The following PCDH15 variants were observed in gnomAD, a reference collection of about 807,000 sequenced individuals.
PCDH15 encodes the protein protocadherin-15.
PCDH15 carries 129 observed loss-of-function variants against 178.5 expected under a neutral mutation model. That is an observed-to-expected ratio of 0.72 (90% CI 0.63 to 0.84). PCDH15 has a LOEUF of 0.84. Among genes scored for constraint, PCDH15 ranks in the 40% least tolerant of loss-of-function variants. The pLI is 0.00. For synonymous variants in PCDH15, 800 were observed against 732.0 expected, an observed-to-expected ratio of 1.09 and a Z score of -1.50; for missense variants, 2,230 against 2,099.9, an observed-to-expected ratio of 1.06 and a Z score of -1.21.
At chr10:54,283,241 T>C (rs988103461) in intron 8 of PCDH15, among the ~76,000 whole-genome samples, 2 of 152,152 alleles carry the variant, frequency 1.3e-5, no homozygotes, top group South Asian at 4.1e-4. Context: ...AGAGGAATAG[T>C]AGAAGGAGCA....
chr10:53,931,636 A>C lies in PCDH15; in HGVS notation c.3373+7179T>G, dbSNP rs186972015. ...AAACTCTATTATTTTCTTTCATACT[A>C]TCTCTTTAATCCTGCTAATATGGGC... On this transcript the variant is annotated intron_variant, in intron 25 of 37. Coordinates refer to ENST00000644397, the MANE Select transcript of PCDH15 (RefSeq NM_001384140.1). 2.6e-5 allele frequency among the ~76,000 whole-genome samples: 4 copies of C among 152,272 alleles called. No individual in the cohort carries two copies. The South Asian group carries it at 8.3e-4, about 32-fold the overall frequency.
chr10:55,414,793 G>A (rs1490714079), intron 2 of PCDH15, among the ~76,000 whole-genome samples: 1 of 150,948 alleles, frequency 6.6e-6, no homozygotes, highest in East Asian at 2.0e-4. Flanking sequence ...GTGTGTGTGT[G>A]TGTGTGTGTG....
chr10:53,816,129 A>C (rs886930724), intron 35 of PCDH15, 110 bp downstream of exon 35: 27 of 396,268 alleles, frequency 6.8e-5, no homozygotes, highest in African/African-American at 5.6e-4. Context: ...TTTTCCTTTA[A>C]AATTATGCCA....
chr10:54,751,619 C>T (rs1424994552), intron 1 of PCDH15, among the ~76,000 whole-genome samples: 1 of 152,172 alleles, frequency 6.6e-6, no homozygotes, highest in African/African-American at 2.4e-5. Flanking sequence ...AGCCAATTTA[C>T]TATCTAGAAA....
chr10:55,056,694 G>A (rs980487690), intron 2 of PCDH15, among the ~76,000 whole-genome samples: 2 of 151,120 alleles, frequency 1.3e-5, no homozygotes, highest in Non-Finnish European at 2.9e-5. Context: ...GTGTAATGGT[G>A]TGATCTTGGC....
At chr10:54,598,643 A>G (rs2092359346) in intron 2 of PCDH15, among the ~76,000 whole-genome samples, 1 of 152,164 alleles carries the variant, frequency 6.6e-6, no homozygotes, top group South Asian at 2.1e-4. Context: ...GGCAAGAGAA[A>G]GAAATAAAAG....
intron 11 of PCDH15, among the ~76,000 whole-genome samples, chr10:54,190,111 T>C (rs1270767926): frequency 1.3e-5 from 2 of 152,138 alleles, no homozygotes; most frequent in African/African-American, 4.8e-5. Context: ...CATTCCTGGC[T>C]ATTGTTTCTT....
chr10:54,914,502 T>C (rs1322481533), intron 2 of PCDH15, among the ~76,000 whole-genome samples: 2 of 147,946 alleles, frequency 1.4e-5, no homozygotes, highest in African/African-American at 4.9e-5. Flanking sequence ...ATTTTCCTAA[T>C]TGTTACATAC....
At chr10:54,134,807 T>G (rs1464838223) in intron 14 of PCDH15, among the ~76,000 whole-genome samples, 1 of 151,680 alleles carries the variant, frequency 6.6e-6, no homozygotes, top group Non-Finnish European at 1.5e-5. Flanking sequence ...AAATTTCGTT[T>G]TATAGCTTGT....
At position 55,072,896 on chromosome 10, in the gene PCDH15, C is replaced by T. The variant is rs918256858; in HGVS notation, c.-80+93680G>A. ...CCAGCAGCACATCAAAAAGCTTATC[C>T]ACCATGATCAAGTGGGCTTCATCCT... is the stretch of plus-strand genomic sequence containing the variant. On this transcript the variant is annotated intron_variant, in intron 2 of 5. Coordinates refer to the PCDH15 transcript ENST00000458638. Among the ~76,000 whole-genome samples the T allele has an allele frequency of 2.1e-3, 323 of 150,384 alleles. 2 individuals are homozygous for T. The highest frequency in any genetic ancestry group is 7.1e-3 in the African/African-American group (293 of 41,126).
intron 3 of PCDH15, among the ~76,000 whole-genome samples, chr10:54,513,092 T>C (rs1442234609): frequency 6.6e-6 from 1 of 151,996 alleles, no homozygotes; most frequent in Non-Finnish European, 1.5e-5. Flanking sequence ...TTATGAAATA[T>C]TCTTAAATGT....
At chr10:54,602,666 T>C (rs931938000) in intron 2 of PCDH15, among the ~76,000 whole-genome samples, 1 of 152,032 alleles carries the variant, frequency 6.6e-6, no homozygotes, top group Non-Finnish European at 1.5e-5. Context: ...GAGAGTTTTT[T>C]AAATTAGAAA....
intron 1 of PCDH15, among the ~76,000 whole-genome samples, chr10:55,266,259 A>G (rs1327023973): frequency 1.3e-5 from 2 of 151,814 alleles, no homozygotes; most frequent in African/African-American, 2.4e-5. Flanking sequence ...AGGCAATTGG[A>G]GCCTTGGATG....
intron 2 of PCDH15, among the ~76,000 whole-genome samples, chr10:55,545,957 A>T (rs1350431339): frequency 3.9e-5 from 6 of 152,078 alleles, no homozygotes; most frequent in Admixed American, 2.6e-4. Context: ...GTTTACAGAA[A>T]TTTTTTCAAC....
chr10:54,497,495 T>A, intron 3 of PCDH15, among the ~76,000 whole-genome samples: 1 of 152,094 alleles, frequency 6.6e-6, no homozygotes. Flanking sequence ...CTCGATGACA[T>A]GTAACCTCAG....
chr10:54,712,718 A>G (rs2095438869), intron 1 of PCDH15, among the ~76,000 whole-genome samples: 1 of 151,968 alleles, frequency 6.6e-6, no homozygotes, highest in African/African-American at 2.4e-5. Flanking sequence ...TACATTTAGC[A>G]CCCCCTAAGA....
chr10:54,508,964 C>A (rs952624821), intron 3 of PCDH15, among the ~76,000 whole-genome samples: 3 of 152,028 alleles, frequency 2.0e-5, no homozygotes, highest in African/African-American at 7.2e-5. Context: ...CACACATAGC[C>A]TAAAGGTAAT....
At chr10:54,239,500 T>C (rs187172940) in intron 8 of PCDH15, among the ~76,000 whole-genome samples, 5 of 151,704 alleles carry the variant, frequency 3.3e-5, no homozygotes, top group Admixed American at 6.6e-5. Context: ...AATTAGAAGA[T>C]GAAAAACTGT....
At chr10:54,660,878 C>A (rs898010871) in intron 2 of PCDH15, among the ~76,000 whole-genome samples, 2 of 151,790 alleles carry the variant, frequency 1.3e-5, no homozygotes, top group Admixed American at 6.6e-5. Flanking sequence ...CATCTCAATA[C>A]CTGCAGAAAA....
Sources: gnomAD v4.1 joint callset for allele counts (sites outside exome capture counted in the v4.1 genomes callset) on GRCh38, gnomAD v4.1.1 for gene constraint, MANE v1.5 for transcripts, NCBI Gene and HGNC (gene_info 2026-07-23, HGNC 2026-07-21) for gene names.